Variants in TEAD1 observed in about 807,000 individuals in gnomAD.
TEAD1 encodes TEA domain transcription factor 1, also known as transcriptional enhancer factor TEF-1.
A neutral mutation model predicts 54.9 loss-of-function variants in TEAD1; 9 were observed. The ratio of observed to expected loss-of-function variants is 0.16; its 90% CI spans 0.10 to 0.29. The LOEUF (loss-of-function observed/expected upper bound fraction) is 0.29. TEAD1 is among the 10% of genes least tolerant of loss of function. TEAD1 has a pLI of 1.00. For synonymous variants in TEAD1, 200 were observed against 187.8 expected (o/e 1.07, Z -0.53); for missense variants, 387 against 535.9 (o/e 0.72, Z 2.74).
intron 3 of TEAD1, among the ~76,000 whole-genome samples, chr11:12,840,242 G>A (rs1209923163): frequency 2.8e-5 from 2 of 70,178 alleles, no homozygotes; most frequent in African/African-American, 1.2e-4. Context: ...GCGAGACTCT[G>A]CCTCAAAAAA....
chr11:12,807,212 A>G (rs1946192326), intron 3 of TEAD1, among the ~76,000 whole-genome samples: 1 of 152,174 alleles, frequency 6.6e-6, no homozygotes, highest in African/African-American at 2.4e-5. Flanking sequence ...CTGATTTTTT[A>G]TCCCATGAGG....
intron 3 of TEAD1, among the ~76,000 whole-genome samples, chr11:12,815,479 C>T (rs1257013334): frequency 6.6e-6 from 1 of 152,192 alleles, no homozygotes; most frequent in Non-Finnish European, 1.5e-5. Context: ...GGTCACAGAA[C>T]TGTAATGGAC....
At chr11:12,781,572 C>T (rs980377971) in intron 3 of TEAD1, among the ~76,000 whole-genome samples, 1 of 151,328 alleles carries the variant, frequency 6.6e-6, no homozygotes, top group South Asian at 2.1e-4. Flanking sequence ...TGCTCAAAAC[C>T]ATTAGCTAGC....
intron 3 of TEAD1, among the ~76,000 whole-genome samples, chr11:12,857,171 C>T (rs977822008): frequency 1.3e-5 from 2 of 152,140 alleles, no homozygotes; most frequent in African/African-American, 4.8e-5. Context: ...ATGATGGGCT[C>T]ATTTCGAACT....
chr11:12,762,775 G>T (rs76218196), intron 2 of TEAD1, among the ~76,000 whole-genome samples: 4 of 152,160 alleles, frequency 2.6e-5, no homozygotes, highest in Non-Finnish European at 4.4e-5. Context: ...ATACACAGGT[G>T]GGGGAGGACA....
In TEAD1 at chr11:12,776,761, TTATTA is replaced by T. The variant is rs760064934; in HGVS notation, c.202+12329_202+12333del. ...TCTTCAAAGCCCATTTGGATATTTA[TTATTA>T]TTATTATTATTATTATTATTATTAT... is the stretch of plus-strand genomic sequence containing the variant. On this transcript the variant is annotated intron_variant, in intron 3 of 12. Coordinates refer to ENST00000527636, the MANE Select transcript of TEAD1 (RefSeq NM_021961.6). Among the ~76,000 whole-genome samples, 62 of 32,578 alleles carry T rather than the reference TTATTA, an allele frequency of 1.9e-3. 2 individuals carry two copies. In the East Asian group the frequency reaches 0.039, roughly 21 times the overall value. 21.4% of individuals were successfully genotyped at this position (32,578 alleles called of 152,430 possible).
chr11:12,826,880 T>TA lies in TEAD1; in HGVS notation c.203-35364dup, dbSNP rs529703652. Among the ~76,000 whole-genome samples, 1,423 of 152,288 alleles carry TA rather than the reference T, an allele frequency of 9.3e-3. 9 individuals carry two copies. Among genetic ancestry groups the TA allele is most frequent in the Non-Finnish European group, 0.016 (1,088 of 67,998 alleles). On this transcript the variant is annotated intron_variant, in intron 3 of 12. Transcript: ENST00000527636. ...AGGCATTGCATGTAGAGTCTTATCT[T>TA]AAAAAAGTTTTAATTGAAAGATTGG...
chr11:12,875,816 C>G (rs367640172), intron 5 of TEAD1, among the ~76,000 whole-genome samples: 60 of 152,312 alleles, frequency 3.9e-4, no homozygotes, highest in African/African-American at 1.4e-3. Context: ...TGTCTTCTCA[C>G]TAGTAGTTTC....
At chr11:12,769,961 G>A (rs1945282259) in intron 3 of TEAD1, among the ~76,000 whole-genome samples, 4 of 152,132 alleles carry the variant, frequency 2.6e-5, no homozygotes, top group Admixed American at 2.0e-4. Context: ...CCTCTCCTGT[G>A]GGAGGAAGTG....
At chr11:12,774,698 A>G (rs73423636) in intron 3 of TEAD1, among the ~76,000 whole-genome samples, 4,506 of 152,304 alleles carry the variant, frequency 0.03, 239 homozygotes, top group African/African-American at 0.1. Context: ...CCTCTCAGCA[A>G]TGTTGAGAGA....
At chr11:12,792,524 A>G (rs1417286188) in intron 3 of TEAD1, among the ~76,000 whole-genome samples, 1 of 152,208 alleles carries the variant, frequency 6.6e-6, no homozygotes, top group East Asian at 1.9e-4. Flanking sequence ...TTAAATGTGA[A>G]ATTGTTCTCA....
chr11:12,753,211 A>G (rs1944913352), intron 2 of TEAD1, among the ~76,000 whole-genome samples: 2 of 152,212 alleles, frequency 1.3e-5, no homozygotes, highest in African/African-American at 4.8e-5. Context: ...GTTACAAACA[A>G]TGAAAATATA....
intron 3 of TEAD1, among the ~76,000 whole-genome samples, chr11:12,847,542 C>T (rs1446974868): frequency 6.6e-6 from 1 of 151,820 alleles, no homozygotes; most frequent in East Asian, 1.9e-4. Context: ...TAGCACCCAA[C>T]ATGACAGGAA....
intron 2 of TEAD1, among the ~76,000 whole-genome samples, chr11:12,753,514 G>A (rs1005386315): frequency 1.3e-5 from 2 of 152,088 alleles, no homozygotes; most frequent in African/African-American, 2.4e-5. Flanking sequence ...TAATAACTAG[G>A]CATGTTGAAC....
intron 2 of TEAD1, among the ~76,000 whole-genome samples, chr11:12,739,461 C>G (rs190669024): frequency 4.8e-4 from 73 of 152,230 alleles, no homozygotes; most frequent in African/African-American, 1.7e-3. Context: ...TCCTCCTAGC[C>G]CTTGTCAACC....
intron 10 of TEAD1, among the ~76,000 whole-genome samples, chr11:12,905,364 C>T (rs1486626146): frequency 1.3e-5 from 2 of 151,982 alleles, no homozygotes; most frequent in Admixed American, 1.3e-4. Flanking sequence ...ACAGTTACTC[C>T]GAGATCAGAT....
intron 2 of TEAD1, among the ~76,000 whole-genome samples, chr11:12,716,978 C>T (rs974329098): frequency 6.6e-6 from 1 of 152,212 alleles, no homozygotes; most frequent in Non-Finnish European, 1.5e-5. Context: ...GAGCTGGGAT[C>T]CGAAGTAGTG....
At position 12,930,287 on chromosome 11, in the gene TEAD1, T is replaced by C. The variant is rs751604377; in HGVS notation, c.1128T>C (p.Tyr376=). The C allele has an allele frequency of 9.9e-6, 16 of 1,614,096 alleles. No individual in the cohort carries two copies. Among genetic ancestry groups the C allele is most frequent in the Middle Eastern group, 1.6e-4 (1 of 6,084 alleles). The change falls in exon 12 of 13, where the codon TAT becomes TAC. Residue 376 remains tyrosine, a synonymous_variant. Transcript: ENST00000527636. ...AGCTCAAACACTTACCAGAGAAATA[T>C]ATGATGAACAGTGTTTTGGAAAACT...
intron 2 of TEAD1, among the ~76,000 whole-genome samples, chr11:12,680,043 AAG>A (rs1943183573): frequency 9.9e-6 from 1 of 101,266 alleles, no homozygotes; most frequent in Admixed American, 8.5e-5. Context: ...GGAGTCTTCT[AAG>A]AGAGAAATAC....
Sources: gnomAD v4.1 joint callset for allele counts (sites outside exome capture counted in the v4.1 genomes callset) on GRCh38, gnomAD v4.1.1 for gene constraint, MANE v1.5 for transcripts, NCBI Gene and HGNC (gene_info 2026-07-23, HGNC 2026-07-21) for gene names.